Variants in MYH14 observed in about 807,000 individuals in gnomAD.
The protein encoded by MYH14 is myosin heavy chain 14.
A neutral mutation model predicts 255.5 loss-of-function variants in MYH14; 123 were observed. The observed-to-expected ratio is 0.48, with a 90% confidence interval of 0.42 to 0.56. MYH14 has a LOEUF of 0.56. MYH14 is among the 20% of genes least tolerant of loss of function. The pLI, the probability that MYH14 is intolerant of heterozygous loss-of-function variation, is 0.00. For synonymous variants in MYH14, 1,095 were observed against 1,161.2 expected, an observed-to-expected ratio of 0.94 and a Z score of 1.16; for missense variants, 2,423 against 2,802.3, an observed-to-expected ratio of 0.86 and a Z score of 3.06.
At chr19:50,206,825 G>A (rs1197580658) in intron 1 of MYH14, among the ~76,000 whole-genome samples, 1 of 151,982 alleles carries the variant, frequency 6.6e-6, no homozygotes, top group Non-Finnish European at 1.5e-5. Context: ...AGGTCTATCG[G>A]GCAGAGGTGA....
At chr19:50,294,418 C>A (rs1345340064) in intron 39 of MYH14, among the ~76,000 whole-genome samples, 1 of 146,448 alleles carries the variant, frequency 6.8e-6, no homozygotes, top group Non-Finnish European at 1.5e-5. Context: ...CTGCATTCTT[C>A]ATTAGTTTTT....
chr19:50,240,039 A>G (rs2033828560), intron 10 of MYH14, among the ~76,000 whole-genome samples: 1 of 152,144 alleles, frequency 6.6e-6, no homozygotes, highest in Admixed American at 6.6e-5. Flanking sequence ...TCCGACTTCT[A>G]AGAGCATGGA....
intron 17 of MYH14, among the ~76,000 whole-genome samples, chr19:50,256,444 T>C (rs1161070964): frequency 6.6e-6 from 1 of 152,246 alleles, no homozygotes; most frequent in East Asian, 1.9e-4. Flanking sequence ...CAATCTTGGC[T>C]CACGGCAACC....
At chr19:50,227,055 A>T in intron 8 of MYH14, 89 bp downstream of exon 8, 1 of 1,048,366 alleles carries the variant, frequency 9.5e-7, no homozygotes, top group Non-Finnish European at 1.4e-6. Flanking sequence ...CACTGCAGGG[A>T]CCCCTTACCT....
At chr19:50,305,528 CA>C in intron 40 of MYH14, among the ~76,000 whole-genome samples, 1 of 152,206 alleles carries the variant, frequency 6.6e-6, no homozygotes, top group Admixed American at 6.5e-5. Flanking sequence ...CAGGGTCACC[CA>C]GGGGCCCCAG....
At chr19:50,268,071 G>A in intron 23 of MYH14, 90 bp from the exon 24 acceptor site, 1 of 1,475,516 alleles carries the variant, frequency 6.8e-7, no homozygotes, top group East Asian at 2.5e-5. Context: ...GAACTTAAAG[G>A]CCAAAGCAAG....
chr19:50,289,830 C>T (rs142929925), intron 35 of MYH14, among the ~76,000 whole-genome samples, 182 bp downstream of exon 35: 198 of 152,122 alleles, frequency 1.3e-3, no homozygotes, highest in African/African-American at 4.5e-3. Flanking sequence ...ACCCACCTGC[C>T]ACTCGGTGTC....
intron 2 of MYH14, among the ~76,000 whole-genome samples, chr19:50,212,030 A>T (rs1207619283): frequency 2.0e-5 from 3 of 152,110 alleles, no homozygotes; most frequent in Non-Finnish European, 2.9e-5. Context: ...GAAGAGATTG[A>T]TGATACTTAG....
Position 50,266,901 on chromosome 19 carries a change from C to T in MYH14, c.2719C>T (p.Arg907Trp), listed in dbSNP as rs771474597. Residue 907 changes from arginine (R) to tryptophan (W), a missense_variant, in exon 23 of 43, where the codon CGG becomes TGG. By Grantham distance (101) the Arg-to-Trp change is moderately radical. Coordinates refer to ENST00000642316, the MANE Select transcript of MYH14 (RefSeq NM_001145809.2). This position sits in a 1 kb window ranked among gnomAD's most constrained non-coding sequence, Gnocchi z 4.1. The stretch of plus-strand genomic sequence containing the variant: ...GGTGAAGCCACTGCTGCAGGTGACG[C>T]GGCAGGATGAGGTGCTGCAGGCACG... ...TKVKPLLQVT[R>W]QDEVLQARAQ... 2 of 1,552,018 alleles carry T rather than the reference C, an allele frequency of 1.3e-6. No individual in the cohort carries two copies. The highest frequency in any genetic ancestry group is 2.0e-5 in the Admixed American group (1 of 51,022).
At chr19:50,223,840 G>A (rs1454848931) in intron 5 of MYH14, among the ~76,000 whole-genome samples, 1 of 152,160 alleles carries the variant, frequency 6.6e-6, no homozygotes, top group Admixed American at 6.5e-5. Context: ...GGGCACAGTG[G>A]CTCATGCCTG....
At chr19:50,264,540 G>C (rs1381866593) in intron 22 of MYH14, among the ~76,000 whole-genome samples, 1 of 152,206 alleles carries the variant, frequency 6.6e-6, no homozygotes, top group Non-Finnish European at 1.5e-5. Flanking sequence ...GGACAACCCA[G>C]GTCTGCTGAG....
At chr19:50,220,406 ATATT>A (rs2123194048) in intron 3 of MYH14, among the ~76,000 whole-genome samples, 1 of 148,956 alleles carries the variant, frequency 6.7e-6, no homozygotes, top group East Asian at 1.9e-4. Context: ...ATTATACTTT[ATATT>A]TATTTTATTA....
intron 35 of MYH14, among the ~76,000 whole-genome samples, chr19:50,290,080 G>A (rs1305076676): frequency 6.6e-6 from 1 of 151,724 alleles, no homozygotes; most frequent in Admixed American, 6.6e-5. Flanking sequence ...CCCACATACA[G>A]CCTCTCCCCC....
intron 8 of MYH14, among the ~76,000 whole-genome samples, chr19:50,228,416 T>G (rs1227207805): frequency 2.0e-5 from 3 of 152,194 alleles, no homozygotes; most frequent in African/African-American, 7.2e-5. Context: ...CAGAGGCATC[T>G]GATAAGCTCA....
At chr19:50,271,771 C>T (rs2035310314) in intron 25 of MYH14, 78 bp from the exon 26 acceptor site, 10 of 1,587,452 alleles carry the variant, frequency 6.3e-6, no homozygotes, top group Non-Finnish European at 8.6e-6. Flanking sequence ...GAGAACAACA[C>T]CAGAAGCTGC....
intron 10 of MYH14, among the ~76,000 whole-genome samples, chr19:50,243,059 T>C (rs140974438): frequency 6.6e-6 from 1 of 152,282 alleles, no homozygotes; most frequent in Non-Finnish European, 1.5e-5. Context: ...AGGTGCGAGT[T>C]ACGGTGCTGT....
intron 24 of MYH14, 62 bp from the exon 25 acceptor site, chr19:50,271,347 C>G: frequency 6.5e-7 from 1 of 1,542,814 alleles, no homozygotes; most frequent in Non-Finnish European, 8.8e-7. Flanking sequence ...CGCTCCCATC[C>G]TTCCCCATCA....
chr19:50,229,190 C>A (rs1041516827), intron 8 of MYH14, among the ~76,000 whole-genome samples: 1 of 152,148 alleles, frequency 6.6e-6, no homozygotes, highest in Non-Finnish European at 1.5e-5. Flanking sequence ...TGTTTCTCCC[C>A]ATCTAACCAA....
chr19:50,204,175 G>T (rs891888974), intron 1 of MYH14, among the ~76,000 whole-genome samples: 1 of 152,110 alleles, frequency 6.6e-6, no homozygotes, highest in Non-Finnish European at 1.5e-5. Context: ...TTTCCTTATC[G>T]TGTTGACTCG....
Sources: gnomAD v4.1 joint callset for allele counts (sites outside exome capture counted in the v4.1 genomes callset) on GRCh38, gnomAD v4.1.1 for gene constraint, Gnocchi (gnomAD v3.1) non-coding constraint, MANE v1.5 for transcripts, NCBI Gene and HGNC (gene_info 2026-07-23, HGNC 2026-07-21) for gene names.